The following AGBL2 variants were observed in gnomAD, a reference collection of about 807,000 sequenced individuals.
AGBL2 encodes the protein AGBL carboxypeptidase 2.
Under a neutral mutation model 103.0 loss-of-function variants are expected in AGBL2, and 87 were observed. The ratio of observed to expected loss-of-function variants is 0.84; its 90% CI spans 0.71 to 1.01. AGBL2 has a LOEUF of 1.01. Ranked by LOEUF, AGBL2 falls within the 50% of genes least tolerant of loss-of-function variation. The pLI, the probability that AGBL2 is intolerant of heterozygous loss-of-function variation, is 0.00. For synonymous variants in AGBL2, 335 were observed against 356.7 expected (o/e 0.94, Z 0.69); for missense variants, 904 against 1,023.5 (o/e 0.88, Z 1.59).
At chr11:47,694,019 G>A (rs978647079) in intron 8 of AGBL2, among the ~76,000 whole-genome samples, 5 of 152,020 alleles carry the variant, frequency 3.3e-5, no homozygotes, top group East Asian at 3.9e-4. Flanking sequence ...GCAAAATGTC[G>A]TGTGATATAC....
chr11:47,671,241 G>A (rs868691851), intron 14 of AGBL2, among the ~76,000 whole-genome samples: 53 of 151,764 alleles, frequency 3.5e-4, no homozygotes, highest in Middle Eastern at 3.4e-3. Flanking sequence ...AAGGCCAGGC[G>A]CGGTGGCTCA....
intron 13 of AGBL2, among the ~76,000 whole-genome samples, chr11:47,678,343 A>ATTTTATTATTTTTTTTTTTTTTTTT (rs2097385823): frequency 9.4e-5 from 11 of 116,866 alleles, no homozygotes; most frequent in South Asian, 3.6e-4. Flanking sequence ...TTATTATTTT[A>ATTTTATTATTTTTTTTTTTTTTTTT]TTTTTTTTGA....
rs368087647 is a variant in AGBL2, at chr11:47,699,411, G to T, written c.694+35C>A. 1.5e-5 allele frequency: 17 copies of T among 1,109,276 alleles called. 1 individual carries two copies. The East Asian group carries it at 1.7e-4, about 11-fold the overall frequency. The allele number at this position is 1,109,276 out of a possible 1,614,324, so 68.7% of individuals were successfully genotyped here. On this transcript the variant is annotated intron_variant, in intron 8 of 18. Coordinates refer to ENST00000525123, the MANE Select transcript of AGBL2 (RefSeq NM_024783.4). The stretch of plus-strand genomic sequence containing the variant: ...CATATGTTTATTATAACTTTGTCAT[G>T]ATTAACCATTCATTGTTCAGTGTAA...
chr11:47,676,428 T>C (rs1449642246), intron 14 of AGBL2, among the ~76,000 whole-genome samples: 1 of 152,216 alleles, frequency 6.6e-6, no homozygotes, highest in Non-Finnish European at 1.5e-5. Flanking sequence ...ATCTTTTACC[T>C]ATATTATTGC....
In AGBL2 at chr11:47,690,734, A is replaced by G. The variant is rs1326415756; in HGVS notation, c.973T>C (p.Leu325=). 2.5e-6 allele frequency: 4 copies of G among 1,614,020 alleles called. No individual in the cohort carries two copies. Among genetic ancestry groups the G allele is most frequent in the African/African-American group, 2.7e-5 (2 of 74,906 alleles). ...GTATAAAGACTCTTGGGTTTTAGCA[A>G]GTTGACAATGGTGAAGCGATAGGTA... ...DATYRFTIVN[L]LKPKSLYTVG... is the part of the protein sequence containing the mutation. The change falls in exon 10 of 19, where the codon TTG becomes CTG. Residue 325 remains leucine, a synonymous_variant. Transcript: ENST00000525123.
chr11:47,705,801 G>C, intron 5 of AGBL2, 63 bp downstream of exon 5: 1 of 1,411,848 alleles, frequency 7.1e-7, no homozygotes, highest in Non-Finnish European at 1.0e-6. Flanking sequence ...GGGAACAGCA[G>C]GTGATGAAGA....
intron 11 of AGBL2, among the ~76,000 whole-genome samples, chr11:47,683,199 C>T (rs1467077717): frequency 4.6e-5 from 7 of 151,744 alleles, no homozygotes; most frequent in East Asian, 1.9e-4. Context: ...GGCGAAACCC[C>T]GACTCTACTA....
At chr11:47,691,132 C>T (rs1044215418) in intron 9 of AGBL2, among the ~76,000 whole-genome samples, 2 of 149,414 alleles carry the variant, frequency 1.3e-5, no homozygotes, top group African/African-American at 2.5e-5. Context: ...GGTGTGGTGG[C>T]GGGTGCCTGT....
At chr11:47,714,493 A>T (rs1701818803) in intron 2 of AGBL2, 125 bp downstream of exon 2, 14 of 1,347,924 alleles carry the variant, frequency 1.0e-5, no homozygotes, top group Non-Finnish European at 1.5e-5. Flanking sequence ...GGGGATCAAG[A>T]TCTCCAGCTG....
intron 8 of AGBL2, among the ~76,000 whole-genome samples, chr11:47,693,122 T>C (rs1422512105): frequency 6.6e-6 from 1 of 152,050 alleles, no homozygotes; most frequent in Non-Finnish European, 1.5e-5. Context: ...ATCCTGCAGA[T>C]ACCTGTTTCT....
chr11:47,680,815 CA>C (rs2097398618), intron 12 of AGBL2, among the ~76,000 whole-genome samples: 1 of 151,918 alleles, frequency 6.6e-6, no homozygotes, highest in Admixed American at 6.6e-5. Context: ...CAAAACAAAA[CA>C]AAACAAAACA....
rs539422552 is a variant in AGBL2, at chr11:47,702,097, G to A, written c.586+2446C>T. Among the ~76,000 whole-genome samples, 14 of 152,264 alleles carry A rather than the reference G, an allele frequency of 9.2e-5. No homozygotes were observed. In the East Asian group the frequency reaches 2.7e-3, roughly 29 times the overall value. ...GCCCAGGAGTTCAAGGCTGCAGTGAGCTATGATTGCACCACTGCACTCCAG... is the reference window on the plus strand; with the variant it reads ...GCCCAGGAGTTCAAGGCTGCAGTGAACTATGATTGCACCACTGCACTCCAG... On this transcript the variant is annotated intron_variant, in intron 7 of 18. Transcript: ENST00000525123.
Position 47,715,313 on chromosome 11 carries a change from G to A in AGBL2, c.-239C>T, listed in dbSNP as rs1305851277. 4 of 152,438 alleles carry A rather than the reference G, an allele frequency of 2.6e-5. No individual in the cohort carries two copies. The highest frequency in any genetic ancestry group is 7.2e-5 in the African/African-American group (3 of 41,584). The allele number at this position is 152,438 out of a possible 1,614,324, so 9.4% of individuals were successfully genotyped here. ...CAGAGGCCAAGCAGTGTGCGGGCAA[G>A]GGGACAAACTCGCTGCACCCGCCCG... On this transcript the variant is annotated 5_prime_UTR_variant, in exon 1 of 19. Coordinates refer to ENST00000525123, the MANE Select transcript of AGBL2 (RefSeq NM_024783.4).
rs756126313 is a variant in AGBL2 at position 47,680,007 on chromosome 11, G to A, written c.1982C>T (p.Thr661Ile). The A allele has an allele frequency of 1.2e-5, 19 of 1,612,438 alleles. No individual in the cohort carries two copies. Among genetic ancestry groups the A allele is most frequent in the South Asian group, 3.3e-5 (3 of 91,022 alleles). Reference sequence around the variant, plus strand: ...GTCAGGATCACAAAAGTCCAGAAGGGTGTCACAGACATGATAACCTAAGGA... The same window carrying A: ...GTCAGGATCACAAAAGTCCAGAAGGATGTCACAGACATGATAACCTAAGGA... ...LKSLGYHVCDTLLDFCDPDQM... is the reference protein window; with the variant it reads ...LKSLGYHVCDILLDFCDPDQM... The change falls in exon 13 of 19, where the codon ACC becomes ATC. Residue 661 changes from threonine to isoleucine, a missense_variant. Thr to Ile is a moderately conservative substitution (Grantham distance 89). Transcript: ENST00000525123.
chr11:47,687,659 A>G (rs1322726743), intron 10 of AGBL2, among the ~76,000 whole-genome samples: 5 of 151,814 alleles, frequency 3.3e-5, no homozygotes, highest in Non-Finnish European at 5.9e-5. Flanking sequence ...CCATGATTGT[A>G]CGCTTCCTGA....
chr11:47,660,620 C>A (rs994725442), intron 18 of AGBL2, among the ~76,000 whole-genome samples: 1 of 150,172 alleles, frequency 6.7e-6, no homozygotes, highest in Non-Finnish European at 1.5e-5. Context: ...ATGGCACAAT[C>A]TCAGCTCACT....
At chr11:47,687,418 A>G (rs555652992) in intron 10 of AGBL2, among the ~76,000 whole-genome samples, 1 of 152,218 alleles carries the variant, frequency 6.6e-6, no homozygotes, top group African/African-American at 2.4e-5. Flanking sequence ...ACTAGAAATG[A>G]TGGAAAAACA....
At chr11:47,678,330 A>ATTAT (rs1565026506) in intron 13 of AGBL2, among the ~76,000 whole-genome samples, 1 of 114,380 alleles carries the variant, frequency 8.7e-6, no homozygotes, top group Non-Finnish European at 2.0e-5. Flanking sequence ...ATTTTATTTT[A>ATTAT]TTTTATTATT....
chr11:47,697,296 G>A (rs559053979), intron 8 of AGBL2, among the ~76,000 whole-genome samples: 5 of 152,076 alleles, frequency 3.3e-5, no homozygotes, highest in Non-Finnish European at 7.4e-5. Context: ...GGAGTGCAGT[G>A]GCACAATCTT....
Sources: gnomAD v4.1 joint callset for allele counts (sites outside exome capture counted in the v4.1 genomes callset) on GRCh38, gnomAD v4.1.1 for gene constraint, MANE v1.5 for transcripts, NCBI Gene and HGNC (gene_info 2026-07-23, HGNC 2026-07-21) for gene names.